EZR: variants seen among roughly 807,000 people sequenced by gnomAD.
EZR encodes the protein ezrin, also known as cytovillin 2.
A neutral mutation model predicts 74.8 loss-of-function variants in EZR; 40 were observed. The observed-to-expected ratio is 0.53, with a 90% confidence interval of 0.42 to 0.70. EZR has a LOEUF of 0.70. Ranked by LOEUF, EZR falls within the 30% of genes least tolerant of loss-of-function variation. The pLI, the probability that EZR is intolerant of heterozygous loss-of-function variation, is 0.00. For synonymous variants in EZR, 341 were observed against 283.3 expected, an observed-to-expected ratio of 1.20 and a Z score of -2.05; for missense variants, 678 against 755.8, an observed-to-expected ratio of 0.90 and a Z score of 1.21.
At chr6:158,785,207 G>A (rs1791541884) in intron 5 of EZR, 102 bp downstream of exon 5, 3 of 1,439,562 alleles carry the variant, frequency 2.1e-6, no homozygotes, top group African/African-American at 2.8e-5. Flanking sequence ...CTTGACACTG[G>A]CGAAGTCCTT....
At chr6:158,802,677 A>G (rs541174003) in intron 2 of EZR, among the ~76,000 whole-genome samples, 17 of 152,240 alleles carry the variant, frequency 1.1e-4, no homozygotes, top group African/African-American at 3.9e-4. Flanking sequence ...GATTATAGGC[A>G]TGTGCCACCA....
chr6:158,789,707 T>C (rs1791682384), intron 2 of EZR, among the ~76,000 whole-genome samples: 2 of 152,214 alleles, frequency 1.3e-5, no homozygotes, highest in African/African-American at 2.4e-5. Flanking sequence ...AGTCATGATC[T>C]CCCAGGCTCA....
intron 8 of EZR, among the ~76,000 whole-genome samples, chr6:158,773,703 C>A (rs564358181): frequency 6.6e-6 from 1 of 152,204 alleles, no homozygotes. Context: ...AGGAGGCAGC[C>A]GCGGGAGGCA....
intron 8 of EZR, among the ~76,000 whole-genome samples, chr6:158,773,647 T>C (rs1327745902): frequency 1.3e-5 from 2 of 152,158 alleles, no homozygotes; most frequent in African/African-American, 4.8e-5. Context: ...CAGGAAACTC[T>C]CCCACAAGAG....
chr6:158,770,446 G>A (rs909122879), intron 10 of EZR, among the ~76,000 whole-genome samples: 2 of 152,178 alleles, frequency 1.3e-5, no homozygotes, highest in African/African-American at 4.8e-5. Flanking sequence ...TGTCAGTCAT[G>A]GGCTGGGGGA....
intron 2 of EZR, among the ~76,000 whole-genome samples, chr6:158,810,444 A>T (rs1333997239): frequency 6.6e-6 from 1 of 152,210 alleles, no homozygotes; most frequent in East Asian, 1.9e-4. Context: ...ACTGCATTGT[A>T]ATTGCTTACA....
At position 158,767,300 on chromosome 6, in the gene EZR, A is replaced by T. The variant is rs767150585; in HGVS notation, c.1557T>A (p.Thr519=). Residue 519 remains threonine, a synonymous_variant, in exon 13 of 14, where the codon ACT becomes ACA. Coordinates refer to ENST00000367075, the MANE Select transcript of EZR (RefSeq NM_001111077.2). ...GCACACGCTCGTTCTTCTCTGCCTC[A>T]GTGATGCGCTTCTCCTCATTGCGGT... ...RDDRNEEKRI[T]EAEKNERVQR... 6 of 1,613,910 alleles carry T rather than the reference A, an allele frequency of 3.7e-6. No individual in the cohort carries two copies. Among genetic ancestry groups the T allele is most frequent in the Non-Finnish European group, 5.1e-6 (6 of 1,179,960 alleles).
intron 2 of EZR, among the ~76,000 whole-genome samples, chr6:158,804,296 C>G (rs1421301421): frequency 2.0e-5 from 3 of 152,160 alleles, no homozygotes; most frequent in Non-Finnish European, 4.4e-5. Context: ...AAGAAATAAT[C>G]AAAGGATGTT....
At chr6:158,787,731 A>G (rs1791621618) in intron 3 of EZR, among the ~76,000 whole-genome samples, 1 of 152,230 alleles carries the variant, frequency 6.6e-6, no homozygotes. Context: ...ATCCTAGGAA[A>G]GGCAGGAAAA....
intron 2 of EZR, among the ~76,000 whole-genome samples, chr6:158,806,335 C>T (rs1264249870): frequency 6.6e-6 from 1 of 152,184 alleles, no homozygotes; most frequent in Non-Finnish European, 1.5e-5. Flanking sequence ...TCCCTTTCTA[C>T]CCTATAACAT....
chr6:158,792,160 C>T (rs1791765169), intron 2 of EZR, among the ~76,000 whole-genome samples: 1 of 152,138 alleles, frequency 6.6e-6, no homozygotes. Flanking sequence ...ATTTTTGGTT[C>T]TGAAACAGTT....
At position 158,766,854 on chromosome 6, in the gene EZR, G is replaced by A. The variant is rs560211236; in HGVS notation, c.*60C>T. 2.7e-5 allele frequency: 41 copies of A among 1,505,676 alleles called. No homozygotes were observed. The highest frequency in any genetic ancestry group is 2.2e-4 in the South Asian group (19 of 84,956). The allele number at this position is 1,505,676 out of a possible 1,614,324, so 93.3% of individuals were successfully genotyped here. ...GACTTGGAGCACTAAAGACACAAGC[G>A]TGGCGGGGCTGGCAGCGCCCGCTAT... is the stretch of plus-strand genomic sequence containing the variant. On this transcript the variant is annotated 3_prime_UTR_variant, in exon 14 of 14. Transcript: ENST00000367075.
At chr6:158,782,926 A>G (rs1399040882) in intron 7 of EZR, among the ~76,000 whole-genome samples, 3 of 152,194 alleles carry the variant, frequency 2.0e-5, no homozygotes, top group African/African-American at 7.2e-5. Context: ...TGTATGTGAA[A>G]GCGGAACTGC....
chr6:158,802,657 G>A (rs3127191), intron 2 of EZR, among the ~76,000 whole-genome samples: 67,307 of 151,872 alleles, frequency 0.44, 15,674 homozygotes, highest in Non-Finnish European at 0.52. Context: ...TCAGCCTCCC[G>A]AGTAGCCGGG....
At chr6:158,794,954 CT>C (rs1777037005) in intron 2 of EZR, among the ~76,000 whole-genome samples, 1 of 152,120 alleles carries the variant, frequency 6.6e-6, no homozygotes, top group East Asian at 1.9e-4. Flanking sequence ...ATAATCTACT[CT>C]TTAAAAAAGT....
chr6:158,787,071 C>G, intron 4 of EZR, 37 bp downstream of exon 4: 3 of 1,534,678 alleles, frequency 2.0e-6, no homozygotes, highest in Non-Finnish European at 2.7e-6. Flanking sequence ...AGACCAACAC[C>G]CAATCCACAG....
intron 5 of EZR, among the ~76,000 whole-genome samples, 156 bp from the exon 6 acceptor site, chr6:158,784,883 A>G (rs149990672): frequency 3.2e-4 from 48 of 152,314 alleles, no homozygotes; most frequent in African/African-American, 1.1e-3. Flanking sequence ...CAGCATTTCT[A>G]TTTATGACAG....
At chr6:158,789,607 C>T in intron 2 of EZR, 1 of 651,208 alleles carries the variant, frequency 1.5e-6, no homozygotes. Flanking sequence ...CACACTGACA[C>T]TTAGGTCTAA....
chr6:158,811,262 T>A (rs547362604), intron 2 of EZR, among the ~76,000 whole-genome samples: 2 of 152,208 alleles, frequency 1.3e-5, no homozygotes, highest in Non-Finnish European at 2.9e-5. Flanking sequence ...TAGTTACTAC[T>A]GAAATGAAAT....
Sources: gnomAD v4.1 joint callset for allele counts (sites outside exome capture counted in the v4.1 genomes callset) on GRCh38, gnomAD v4.1.1 for gene constraint, MANE v1.5 for transcripts, NCBI Gene and HGNC (gene_info 2026-07-23, HGNC 2026-07-21) for gene names.